SCP2: variants seen among roughly 807,000 people sequenced by gnomAD.
SCP2 encodes sterol carrier protein 2.
SCP2 carries 48 observed loss-of-function variants against 71.4 expected under a neutral mutation model. That is an observed-to-expected ratio of 0.67 (90% CI 0.53 to 0.86). The LOEUF is 0.86. Among genes scored for constraint, SCP2 ranks in the 40% least tolerant of loss-of-function variants. The pLI, the probability that SCP2 is intolerant of heterozygous loss-of-function variation, is 0.00. For synonymous variants in SCP2, 220 were observed against 218.1 expected (o/e 1.01, Z -0.08); for missense variants, 560 against 655.6 (o/e 0.85, Z 1.59).
At chr1:53,049,857 C>T (rs1664088929) in intron 15 of SCP2, 1 of 152,144 alleles carries the variant, frequency 6.6e-6, no homozygotes, top group African/African-American at 2.4e-5. Flanking sequence ...TCTTAATGTA[C>T]TGTTAAAAAC....
intron 4 of SCP2, among the ~76,000 whole-genome samples, chr1:52,951,721 AC>A (rs948631134): frequency 6.6e-6 from 1 of 151,434 alleles, no homozygotes; most frequent in Non-Finnish European, 1.5e-5. Context: ...TAATATTAGA[AC>A]TTTTTTTTTT....
At chr1:52,954,888 T>C in intron 5 of SCP2, 84 bp downstream of exon 5, 1 of 994,358 alleles carries the variant, frequency 1.0e-6, no homozygotes, top group South Asian at 1.3e-5. Context: ...TGCATAGATC[T>C]TGGTATTTTA....
At chr1:52,998,800 A>C (rs1660115830) in intron 11 of SCP2, among the ~76,000 whole-genome samples, 1 of 152,160 alleles carries the variant, frequency 6.6e-6, no homozygotes, top group Non-Finnish European at 1.5e-5. Context: ...CTTTTCCTTC[A>C]GTCTTGTTAA....
chr1:52,996,038 C>T, intron 11 of SCP2: 1 of 1,299,890 alleles, frequency 7.7e-7, no homozygotes, highest in East Asian at 2.7e-5. Context: ...GCAGAGCCCC[C>T]ATCGCCTCAG....
At chr1:53,010,836 T>C (rs1258964246) in intron 11 of SCP2, among the ~76,000 whole-genome samples, 1 of 152,088 alleles carries the variant, frequency 6.6e-6, no homozygotes, top group African/African-American at 2.4e-5. Context: ...TTTGTGAGAT[T>C]CACCCCCTGC....
At chr1:52,962,215 T>G (rs1656530283) in intron 6 of SCP2, among the ~76,000 whole-genome samples, 1 of 152,150 alleles carries the variant, frequency 6.6e-6, no homozygotes, top group South Asian at 2.1e-4. Context: ...GACTATAAAT[T>G]GAGGATCTTA....
At chr1:53,017,513 A>T (rs984179882) in intron 12 of SCP2, among the ~76,000 whole-genome samples, 4 of 152,098 alleles carry the variant, frequency 2.6e-5, no homozygotes, top group Non-Finnish European at 4.4e-5. Flanking sequence ...CATCCACGTT[A>T]TTGTGTGTAT....
At chr1:53,013,514 G>A (rs1482174296) in intron 11 of SCP2, among the ~76,000 whole-genome samples, 1 of 151,792 alleles carries the variant, frequency 6.6e-6, no homozygotes, top group African/African-American at 2.4e-5. Flanking sequence ...AGAATCGCTG[G>A]AACCTGGGAG....
intron 11 of SCP2, among the ~76,000 whole-genome samples, chr1:52,990,313 T>C (rs923419277): frequency 2.0e-5 from 3 of 152,082 alleles, no homozygotes; most frequent in African/African-American, 4.8e-5. Context: ...GGGTGACCTA[T>C]GTACCTAGGA....
chr1:53,007,895 GAAGAA>G (rs1383350526), intron 11 of SCP2, among the ~76,000 whole-genome samples: 1 of 151,890 alleles, frequency 6.6e-6, no homozygotes, highest in Non-Finnish European at 1.5e-5. Flanking sequence ...GACTAATACA[GAAGAA>G]AAGAGAGAAG....
At chr1:52,959,945 G>A (rs1208336290) in intron 5 of SCP2, among the ~76,000 whole-genome samples, 1 of 150,612 alleles carries the variant, frequency 6.6e-6, no homozygotes, top group East Asian at 2.0e-4. Context: ...AGGCTGGAGT[G>A]CAATGGCATG....
intron 4 of SCP2, among the ~76,000 whole-genome samples, chr1:52,951,574 A>AT (rs1393167695): frequency 1.3e-5 from 2 of 151,588 alleles, no homozygotes; most frequent in African/African-American, 4.8e-5. Context: ...AAAAAAAAAA[A>AT]AAAAATTAAT....
intron 12 of SCP2, among the ~76,000 whole-genome samples, chr1:53,018,026 T>C (rs572518050): frequency 3.3e-5 from 5 of 152,238 alleles, no homozygotes; most frequent in African/African-American, 9.6e-5. Context: ...GGCTTATTTT[T>C]CTATTTGTAG....
intron 13 of SCP2, among the ~76,000 whole-genome samples, chr1:53,034,052 T>G (rs1423658330): frequency 1.3e-5 from 2 of 151,866 alleles, no homozygotes; most frequent in Non-Finnish European, 2.9e-5. Context: ...TCACTCGAGG[T>G]CAGGAGTTTG....
intron 5 of SCP2, among the ~76,000 whole-genome samples, chr1:52,959,397 G>T (rs1362761625): frequency 5.3e-5 from 8 of 152,052 alleles, no homozygotes. Flanking sequence ...GTTTCTCCAT[G>T]TTGGTCAGGC....
At chr1:53,017,791 A>G (rs1661435983) in intron 12 of SCP2, among the ~76,000 whole-genome samples, 1 of 152,258 alleles carries the variant, frequency 6.6e-6, no homozygotes, top group African/African-American at 2.4e-5. Context: ...CAATACAGAA[A>G]AATGGATAGA....
At chr1:52,962,762 C>G (rs965156318) in intron 6 of SCP2, among the ~76,000 whole-genome samples, 9 of 152,086 alleles carry the variant, frequency 5.9e-5, no homozygotes, top group Non-Finnish European at 1.3e-4. Context: ...TTAAAAGCCA[C>G]CTTCTGCTTT....
intron 10 of SCP2, 49 bp downstream of exon 10, chr1:52,980,592 A>G: frequency 6.5e-7 from 1 of 1,541,854 alleles, no homozygotes; most frequent in East Asian, 2.2e-5. Context: ...TCACTGAGAA[A>G]ACTTCACTTT....
intron 11 of SCP2, among the ~76,000 whole-genome samples, chr1:53,007,383 C>T (rs543121094): frequency 1.1e-4 from 16 of 152,268 alleles, no homozygotes; most frequent in African/African-American, 3.9e-4. Context: ...GGAAGTAAAG[C>T]ACTCCTCAGC....
Sources: gnomAD v4.1 joint callset for allele counts (sites outside exome capture counted in the v4.1 genomes callset) on GRCh38, gnomAD v4.1.1 for gene constraint, MANE v1.5 for transcripts, NCBI Gene and HGNC (gene_info 2026-07-23, HGNC 2026-07-21) for gene names.